The following THBS3 variants were observed in gnomAD, a reference collection of about 807,000 sequenced individuals.
THBS3 encodes the protein thrombospondin-3.
In THBS3, 78 loss-of-function variants were observed where a neutral mutation model predicts 118.3. That is an observed-to-expected ratio of 0.66 (90% CI 0.55 to 0.80). The LOEUF (loss-of-function observed/expected upper bound fraction) is 0.80, where lower values mean the gene tolerates loss of function less well. Among genes scored for constraint, THBS3 ranks in the 30% least tolerant of loss-of-function variants. The pLI, the probability that THBS3 is intolerant of heterozygous loss-of-function variation, is 0.00. For missense variants in THBS3, 1,057 were observed against 1,247.4 expected (o/e 0.85, Z 2.30); for synonymous variants, 427 against 475.3 (o/e 0.90, Z 1.32).
chr1:155,199,783 G>A lies in THBS3; in HGVS notation c.1880+21C>T, dbSNP rs200929064. On this transcript the variant is annotated intron_variant, in intron 16 of 22. Transcript: ENST00000368378. ...AAGACAAAAAAAAGAAAGACCTTGC[G>A]TCTCTTGACCAAGACCTTACCTGTC... 5.8e-5 allele frequency: 94 copies of A among 1,613,648 alleles called. 1 individual carries two copies. Among genetic ancestry groups the A allele is most frequent in the African/African-American group, 3.3e-4 (25 of 74,978 alleles).
In THBS3 at chr1:155,198,235, G is replaced by C; in HGVS notation, c.2075-15C>G. On this transcript the variant is annotated splice_polypyrimidine_tract_variant and intron_variant, in intron 17 of 22. Coordinates refer to ENST00000368378, the MANE Select transcript of THBS3 (RefSeq NM_007112.5). ...AACGCCATTGCCTGGGCAGAGTGAG[G>C]CTGGGTGCTCAGGAAGGCCCTGGCC... 1 of 1,613,226 alleles carries C rather than the reference G, an allele frequency of 6.2e-7. No individual in the cohort carries two copies. Among genetic ancestry groups the C allele is most frequent in the Non-Finnish European group, 8.5e-7 (1 of 1,179,268 alleles).
chr1:155,208,090 C>T (rs564945950), upstream of THBS3: 596 of 578,782 alleles, frequency 1.0e-3, no homozygotes, highest in Non-Finnish European at 9.3e-4. Context: ...GGAGGCCTCC[C>T]TGCTTTCTAC....
intron 14 of THBS3, 150 bp from the exon 15 acceptor site, chr1:155,200,263 C>A (rs924844630): frequency 1.0e-6 from 1 of 978,400 alleles, no homozygotes; most frequent in Non-Finnish European, 1.5e-6. Context: ...AGTCCACACT[C>A]TGCCTAACAC....
At position 155,197,790 on chromosome 1, in the gene THBS3, C is replaced by T. The variant is rs1237481621; in HGVS notation, c.2302+90G>A. 5 of 1,598,482 alleles carry T rather than the reference C, an allele frequency of 3.1e-6. No individual in the cohort carries two copies. In the African/African-American group the frequency reaches 4.0e-5, roughly 13 times the overall value. ...CACTGCCTTCTCTCTCGCCACTTTG[C>T]CCATTCTCCCTGTCTGTTTCCTCCC... On this transcript the variant is annotated intron_variant, in intron 19 of 22. Transcript: ENST00000368378. This position sits in a 1 kb window ranked among gnomAD's most constrained non-coding sequence, Gnocchi z 5.0.
At chr1:155,201,710 A>G (rs1669757234) in intron 10 of THBS3, 141 bp from the exon 11 acceptor site, 4 of 1,068,408 alleles carry the variant, frequency 3.7e-6, no homozygotes, top group Admixed American at 2.5e-5. Flanking sequence ...TATCATGACA[A>G]CCTTTCAGGG....
rs1472244534 is a variant in THBS3 at position 155,204,891 on chromosome 1, A to G, written c.610T>C (p.Cys204Arg). ...SMARVGALSE[C>R]PFQGDESIHS... ...ATGGACTCGTCCCCTTGGAATGGAC[A>G]CTCACTCAGGGCTCCTACCCGGGCC... Residue 204 changes from cysteine (C) to arginine (R), a missense_variant, in exon 4 of 23, where the codon TGT (cysteine) becomes CGT (arginine). Cys to Arg is a radical substitution (Grantham distance 180). Transcript: ENST00000368378. 1 of 1,613,888 alleles carries G rather than the reference A, an allele frequency of 6.2e-7. No individual in the cohort carries two copies. Among genetic ancestry groups the G allele is most frequent in the Admixed American group, 1.7e-5 (1 of 59,996 alleles).
intron 21 of THBS3, chr1:155,196,790 T>C (rs1328856181): frequency 3.9e-6 from 2 of 511,492 alleles, no homozygotes; most frequent in African/African-American, 3.8e-5. Flanking sequence ...CAGATTGGCC[T>C]GGGTTTGGAG....
Position 155,197,992 on chromosome 1 carries a change from C to A in THBS3, c.2253+50G>T. On this transcript the variant is annotated intron_variant, in intron 18 of 22. Coordinates refer to ENST00000368378, the MANE Select transcript of THBS3 (RefSeq NM_007112.5). The surrounding 1 kb of genome is among the most constrained non-coding windows in gnomAD (Gnocchi z 5.0). ...GTGCTATCCCTCCCAGGCCCCCCGT[C>A]CCAGTAGCCCTGTCTGATAGCACCT... is the stretch of plus-strand genomic sequence containing the variant. The A allele has an allele frequency of 1.2e-6, 2 of 1,614,062 alleles. No homozygotes were observed. Among genetic ancestry groups the A allele is most frequent in the Non-Finnish European group, 1.7e-6 (2 of 1,179,910 alleles).
At chr1:155,205,504 A>C (rs1670416673) in intron 2 of THBS3, 188 bp from the exon 3 acceptor site, 3 of 781,324 alleles carry the variant, frequency 3.8e-6, no homozygotes, top group Non-Finnish European at 5.9e-6. Flanking sequence ...GAGGCCAGGC[A>C]CGGTGGCTCA....
chr1:155,196,386 A>G (rs543367722), intron 21 of THBS3: 1 of 530,328 alleles, frequency 1.9e-6, no homozygotes, highest in South Asian at 2.4e-5. Context: ...GGTTGCCATG[A>G]CAATAAGCAC....
At chr1:155,208,178 C>T (rs1326543732), upstream of THBS3, among the ~76,000 whole-genome samples, 1 of 152,176 alleles carries the variant, frequency 6.6e-6, no homozygotes, top group African/African-American at 2.4e-5. Context: ...ACAGCGCTAC[C>T]GAATGCCACT....
At position 155,198,113 on chromosome 1, in the gene THBS3, C is replaced by A. The variant is rs1324276110; in HGVS notation, c.2182G>T (p.Ala728Ser). Residue 728 changes from alanine to serine, a missense_variant, in exon 18 of 23, where the codon GCC becomes TCC. Physicochemically the swap from Ala to Ser is moderately conservative, Grantham distance 99 (BLOSUM62 1). Coordinates refer to ENST00000368378, the MANE Select transcript of THBS3 (RefSeq NM_007112.5). ...GGATCCAGGACGACGGTCTGATAGG[C>A]CCGAAAATCCGTAAGCGTTACCTCT... is the stretch of plus-strand genomic sequence containing the variant. ...SAEVTLTDFR[A>S]YQTVVLDPEG... The A allele has an allele frequency of 2.2e-5, 35 of 1,614,042 alleles. No homozygotes were observed. The highest frequency in any genetic ancestry group is 2.9e-5 in the Non-Finnish European group (34 of 1,180,034).
intron 10 of THBS3, 131 bp downstream of exon 10, chr1:155,201,826 T>A (rs537614362): frequency 7.3e-6 from 10 of 1,361,842 alleles, no homozygotes; most frequent in Admixed American, 1.9e-5. Flanking sequence ...ACCAAGTCCA[T>A]GTGAACACCT....
At position 155,202,378 on chromosome 1, in the gene THBS3, G is replaced by C. The variant is rs1470516581; in HGVS notation, c.981C>G (p.Phe327Leu). 6.2e-7 allele frequency: 1 copy of C among 1,613,976 alleles called. No homozygotes were observed. The highest frequency in any genetic ancestry group is 1.1e-5 in the South Asian group (1 of 91,082). The change falls in exon 9 of 23, where the codon TTC (phenylalanine) becomes TTG (leucine). Residue 327 changes from phenylalanine (F) to leucine (L), a missense_variant. Phe to Leu is a conservative substitution (Grantham distance 22). Transcript: ENST00000368378. The surrounding 1 kb of genome is among the most constrained non-coding windows in gnomAD (Gnocchi z 5.5). ...INECAHADPC[F>L]PGSSCINTMP... ...TGGTGTTGATGCAGCTGGAGCCCGG[G>C]AAACAGGGGTCAGCGTGAGCACACT...
In THBS3 at chr1:155,195,876, G is replaced by T; in HGVS notation, c.2836C>A (p.Pro946Thr). Residue 946 changes from proline to threonine, a missense_variant, in exon 23 of 23, where the codon CCA becomes ACA. Coordinates refer to ENST00000368378, the MANE Select transcript of THBS3 (RefSeq NM_007112.5). ...CCCTGGAGCAGCTGCCTCCGGAATGGCTCAAAGTCCTCAGGCACTGTGTCT... is the reference window on the plus strand; with the variant it reads ...CCCTGGAGCAGCTGCCTCCGGAATGTCTCAAAGTCCTCAGGCACTGTGTCT... ...CNDTVPEDFE[P>T]FRRQLLQGRV is the part of the protein sequence containing the mutation. 6.2e-7 allele frequency: 1 copy of T among 1,614,104 alleles called. No homozygotes were observed. The highest frequency in any genetic ancestry group is 8.5e-7 in the Non-Finnish European group (1 of 1,180,006).
upstream of THBS3, chr1:155,209,178 T>TGGCGGGG: frequency 6.7e-7 from 1 of 1,482,506 alleles, no homozygotes; most frequent in Non-Finnish European, 9.0e-7. Context: ...GGAGGGGCGG[T>TGGCGGGG]GGCGGGGGGC....
Position 155,202,769 on chromosome 1 carries a change from C to T in THBS3, c.957+43G>A. On this transcript the variant is annotated intron_variant, in intron 8 of 22. Coordinates refer to ENST00000368378, the MANE Select transcript of THBS3 (RefSeq NM_007112.5). This position sits in a 1 kb window ranked among gnomAD's most constrained non-coding sequence, Gnocchi z 5.5. ...CCTCTTGGGTGCCTCCTGACATCCT[C>T]ACCCCAGTTTTCTGTACCCTTCTGG... The T allele has an allele frequency of 6.4e-7, 1 of 1,573,438 alleles. No homozygotes were observed. Among genetic ancestry groups the T allele is most frequent in the East Asian group, 2.3e-5 (1 of 44,428 alleles).
Position 155,200,928 on chromosome 1 carries a change from T to G in THBS3, c.1517A>C (p.Asp506Ala), listed in dbSNP as rs757237246. 3.7e-6 allele frequency: 6 copies of G among 1,614,070 alleles called. No homozygotes were observed. The highest frequency in any genetic ancestry group is 1.6e-4 in the Middle Eastern group (1 of 6,062). ...ATTCTTGATCCCATCCCCATCAGCA[T>G]CATCATCACACTGGTCCCCCACACC... ...NDGVGDQCDD[D>A]ADGDGIKNVE... is the part of the protein sequence containing the mutation. The change falls in exon 13 of 23, where the codon GAT becomes GCT. Residue 506 changes from aspartate (D) to alanine (A), a missense_variant. Coordinates refer to ENST00000368378, the MANE Select transcript of THBS3 (RefSeq NM_007112.5).
At position 155,198,050 on chromosome 1, in the gene THBS3, G is replaced by A. The variant is rs777628677; in HGVS notation, c.2245C>T (p.Leu749Phe). 2.7e-5 allele frequency: 44 copies of A among 1,614,182 alleles called. No homozygotes were observed. Among genetic ancestry groups the A allele is most frequent in the Non-Finnish European group, 3.5e-5 (41 of 1,180,034 alleles). The change falls in exon 18 of 23, where the codon CTC (leucine) becomes TTC (phenylalanine). Residue 749 changes from leucine (L) to phenylalanine (F), a missense_variant. Leu to Phe is a conservative substitution (Grantham distance 22). Coordinates refer to ENST00000368378, the MANE Select transcript of THBS3 (RefSeq NM_007112.5). ...CCACTGCCCCGAGTTACCTGGTTGA[G>A]CACAACCCAGTTTGGGTCAATCTGA... is the stretch of plus-strand genomic sequence containing the variant. ...DAQIDPNWVV[L>F]NQGMEIVQTM...
Sources: allele counts gnomAD v4.1 joint callset (sites outside exome capture counted in the v4.1 genomes callset), GRCh38; gene constraint gnomAD v4.1.1; non-coding constraint Gnocchi (gnomAD v3.1); transcripts MANE v1.5; gene names NCBI Gene and HGNC (gene_info 2026-07-23, HGNC 2026-07-21).